RBFOX1: variants seen among roughly 807,000 people sequenced by gnomAD.
RBFOX1 encodes RNA binding protein fox-1 homolog 1.
In RBFOX1, 8 loss-of-function variants were observed where a neutral mutation model predicts 57.7. The ratio of observed to expected loss-of-function variants is 0.14; its 90% CI spans 0.08 to 0.25. RBFOX1 has a LOEUF of 0.25. Among genes scored for constraint, RBFOX1 ranks in the 10% least tolerant of loss-of-function variants. The pLI, the probability that RBFOX1 is intolerant of heterozygous loss-of-function variation, is 1.00. For missense variants in RBFOX1, 611 were observed against 548.5 expected, an observed-to-expected ratio of 1.11 and a Z score of -1.14; for synonymous variants, 326 against 222.4, an observed-to-expected ratio of 1.47 and a Z score of -4.15.
chr16:6,871,911 CTGTGTGTGTGTG>C lies in RBFOX1; in HGVS notation c.-15-180106_-15-180095del, dbSNP rs57684251. Among the ~76,000 whole-genome samples the C allele has an allele frequency of 8.7e-3, 1,124 of 129,640 alleles. 9 individuals carry two copies. The highest frequency in any genetic ancestry group is 0.012 in the Admixed American group (151 of 12,988). 85.0% of individuals were successfully genotyped at this position (129,640 alleles called of 152,430 possible). On this transcript the variant is annotated intron_variant, in intron 3 of 15. Coordinates refer to ENST00000550418, the MANE Select transcript of RBFOX1 (RefSeq NM_018723.4). The stretch of plus-strand genomic sequence containing the variant: ...AGGCTCTTTGAGAGAGGGAGAGAGT[CTGTGTGTGTGTG>C]TGTGTGTGTGTGTGTGTGTGTGTGT...
chr16:5,705,761 C>G (rs1016332517), intron 3 of RBFOX1, among the ~76,000 whole-genome samples: 2 of 152,188 alleles, frequency 1.3e-5, no homozygotes, highest in African/African-American at 4.8e-5. Flanking sequence ...AACAAGATCA[C>G]TCTGTCATTC....
At chr16:5,606,275 C>G (rs559668936) in intron 3 of RBFOX1, among the ~76,000 whole-genome samples, 2 of 152,128 alleles carry the variant, frequency 1.3e-5, no homozygotes, top group South Asian at 4.1e-4. Context: ...GCCCCATGTT[C>G]CCTGACTGCA....
chr16:6,913,777 A>G (rs943725690), intron 3 of RBFOX1, among the ~76,000 whole-genome samples: 5 of 152,126 alleles, frequency 3.3e-5, no homozygotes, highest in South Asian at 2.1e-4. Context: ...GTGGGAAGCT[A>G]TTGAGTCTGA....
At chr16:6,216,655 T>G (rs114675692) in intron 1 of RBFOX1, among the ~76,000 whole-genome samples, 1 of 152,172 alleles carries the variant, frequency 6.6e-6, no homozygotes, top group African/African-American at 2.4e-5. Context: ...ATTTTCCTTC[T>G]TTCTTTATTT....
intron 2 of RBFOX1, chr16:6,577,072 A>G (rs1298669278): frequency 1.3e-5 from 2 of 152,078 alleles, no homozygotes; most frequent in East Asian, 3.9e-4. Flanking sequence ...GATGCTCCAA[A>G]CTTCTTTATT....
intron 2 of RBFOX1, among the ~76,000 whole-genome samples, chr16:6,635,500 G>A (rs933399473): frequency 2.0e-5 from 3 of 152,172 alleles, no homozygotes; most frequent in African/African-American, 4.8e-5. Context: ...ATAATTGGGC[G>A]AACAGAGGGA....
chr16:6,343,713 A>G (rs2084910064), intron 2 of RBFOX1, among the ~76,000 whole-genome samples: 2 of 152,218 alleles, frequency 1.3e-5, no homozygotes, highest in Middle Eastern at 3.2e-3. Context: ...ATGCATGTCA[A>G]ACTTCCTATG....
At chr16:7,128,958 C>T (rs889477390) in intron 4 of RBFOX1, among the ~76,000 whole-genome samples, 4 of 151,490 alleles carry the variant, frequency 2.6e-5, no homozygotes, top group East Asian at 2.0e-4. Flanking sequence ...GTAGCTGGGA[C>T]TACAGGTGCA....
intron 2 of RBFOX1, among the ~76,000 whole-genome samples, chr16:5,531,892 C>G (rs1296271023): frequency 1.3e-5 from 2 of 151,302 alleles, no homozygotes; most frequent in East Asian, 3.9e-4. Flanking sequence ...ACCTCTGCTT[C>G]CTGGGTTCAA....
intron 3 of RBFOX1, among the ~76,000 whole-genome samples, chr16:6,755,137 C>G (rs1456961278): frequency 9.2e-5 from 14 of 152,250 alleles, no homozygotes; most frequent in Non-Finnish European, 1.6e-4. Context: ...CAAGTCTTTG[C>G]TATTGGGGAT....
chr16:6,205,641 T>A (rs1169221911), intron 1 of RBFOX1, among the ~76,000 whole-genome samples: 1 of 152,088 alleles, frequency 6.6e-6, no homozygotes, highest in African/African-American at 2.4e-5. Flanking sequence ...TGAGTCTTCA[T>A]AATATTTCAA....
chr16:5,621,695 G>C (rs1028987313), intron 3 of RBFOX1, among the ~76,000 whole-genome samples: 1 of 152,196 alleles, frequency 6.6e-6, no homozygotes, highest in African/African-American at 2.4e-5. Flanking sequence ...GAAAATACCA[G>C]GATGGTGAGG....
intron 4 of RBFOX1, among the ~76,000 whole-genome samples, chr16:7,101,162 G>C (rs1001251133): frequency 6.6e-6 from 1 of 152,152 alleles, no homozygotes; most frequent in African/African-American, 2.4e-5. Context: ...TATTAATTTA[G>C]TCAGAGCTAT....
intron 2 of RBFOX1, among the ~76,000 whole-genome samples, chr16:6,562,814 G>C (rs1180395697): frequency 2.9e-5 from 4 of 139,000 alleles, no homozygotes; most frequent in African/African-American, 1.0e-4. Flanking sequence ...AGCAACTGCA[G>C]GCCTTGATTC....
At chr16:7,705,971 T>G (rs1213988689) in intron 14 of RBFOX1, among the ~76,000 whole-genome samples, 3 of 152,202 alleles carry the variant, frequency 2.0e-5, no homozygotes, top group African/African-American at 4.8e-5. Flanking sequence ...ACCATATAGC[T>G]GGTCGTGTCC....
chr16:7,568,144 T>C (rs1319069627), intron 5 of RBFOX1, among the ~76,000 whole-genome samples: 1 of 151,948 alleles, frequency 6.6e-6, no homozygotes, highest in Non-Finnish European at 1.5e-5. Flanking sequence ...GGTGAATCCA[T>C]CAAGTGAAGT....
At chr16:5,687,518 G>C (rs2050541703) in intron 3 of RBFOX1, among the ~76,000 whole-genome samples, 1 of 152,176 alleles carries the variant, frequency 6.6e-6, no homozygotes, top group Non-Finnish European at 1.5e-5. Context: ...CGAATGCTTT[G>C]ATATCAATAC....
intron 5 of RBFOX1, among the ~76,000 whole-genome samples, chr16:7,558,367 C>G (rs1023995612): frequency 1.3e-5 from 2 of 151,536 alleles, no homozygotes; most frequent in African/African-American, 2.4e-5. Flanking sequence ...ATAAGACATA[C>G]ATATATATAT....
intron 4 of RBFOX1, among the ~76,000 whole-genome samples, chr16:7,476,426 G>A (rs193093643): frequency 4.6e-5 from 7 of 152,256 alleles, no homozygotes; most frequent in Non-Finnish European, 8.8e-5. Context: ...AAAAATGCCT[G>A]ACACGTAAAG....
Sources: gnomAD v4.1 joint callset for allele counts (sites outside exome capture counted in the v4.1 genomes callset) on GRCh38, gnomAD v4.1.1 for gene constraint, MANE v1.5 for transcripts, NCBI Gene and HGNC (gene_info 2026-07-23, HGNC 2026-07-21) for gene names.